The following TAPT1 variants were observed in gnomAD, a reference collection of about 807,000 sequenced individuals.
TAPT1 encodes the protein transmembrane anterior posterior transformation protein 1 homolog.
In TAPT1, 28 loss-of-function variants were observed where a neutral mutation model predicts 65.6. The ratio of observed to expected loss-of-function variants is 0.43; its 90% CI spans 0.32 to 0.59. The LOEUF (loss-of-function observed/expected upper bound fraction) is 0.59, where lower values mean the gene tolerates loss of function less well. Among genes scored for constraint, TAPT1 ranks in the 20% least tolerant of loss-of-function variants. The pLI, the probability that TAPT1 is intolerant of heterozygous loss-of-function variation, is 0.09. For missense variants in TAPT1, 563 were observed against 679.9 expected, an observed-to-expected ratio of 0.83 and a Z score of 1.91; for synonymous variants, 278 against 245.2, an observed-to-expected ratio of 1.13 and a Z score of -1.25.
chr4:16,190,720 C>T (rs879723334), intron 4 of TAPT1: 11 of 154,678 alleles, frequency 7.1e-5, no homozygotes, highest in South Asian at 2.0e-4. Flanking sequence ...GCTTATAAAG[C>T]GAAGCATTTT....
Position 16,166,641 on chromosome 4 carries a change from G to A in TAPT1, c.1466C>T (p.Pro489Leu), listed in dbSNP as rs766833715. The A allele has an allele frequency of 6.2e-7, 1 of 1,613,764 alleles. No homozygotes were observed. Among genetic ancestry groups the A allele is most frequent in the African/African-American group, 1.3e-5 (1 of 74,918 alleles). ...PSSKSQNKCK[P>L]SQGLSTEENL... is the part of the protein sequence containing the mutation. ...AAAGGGACCAAACCTACCTTGAGAG[G>A]GTTTACATTTGTTCTGTGATTTACT... The change falls in exon 13 of 14, where the codon CCC (proline) becomes CTC (leucine). Residue 489 changes from proline to leucine, a missense_variant. Pro to Leu is a moderately conservative substitution (Grantham distance 98). Around this residue, in one of 5 missense-constraint regions of TAPT1, gnomAD observed 136 missense variants for 153.9 expected, o/e 0.88. Coordinates refer to ENST00000405303, the MANE Select transcript of TAPT1 (RefSeq NM_153365.3).
intron 2 of TAPT1, among the ~76,000 whole-genome samples, chr4:16,203,986 C>T (rs1224603968): frequency 6.6e-6 from 1 of 152,104 alleles, no homozygotes; most frequent in Non-Finnish European, 1.5e-5. Context: ...CATAGAGTCA[C>T]GTGTGGTAGA....
At chr4:16,202,088 C>G (rs954678709) in intron 3 of TAPT1, among the ~76,000 whole-genome samples, 8 of 152,108 alleles carry the variant, frequency 5.3e-5, no homozygotes, top group Non-Finnish European at 1.0e-4. Context: ...CCTGTCCTTT[C>G]CACAGATGAT....
rs1747345531 is a variant in TAPT1 at position 16,162,883 on chromosome 4, GAA to G, written c.*423_*424del. ...GAAGTAACGTTTGAAAACTGTTTGT[GAA>G]AATAGTATGAGACTGGAAAGATTAC... On this transcript the variant is annotated 3_prime_UTR_variant, in exon 14 of 14. Transcript: ENST00000405303. The G allele has an allele frequency of 6.3e-5, 24 of 378,554 alleles. No individual in the cohort carries two copies. The highest frequency in any genetic ancestry group is 4.5e-4 in the South Asian group (24 of 53,602). The allele number at this position is 378,554 out of a possible 1,614,324, so 23.4% of individuals were successfully genotyped here. A position where few individuals can be genotyped will look rare whatever the true frequency, so the allele number is the denominator to read the frequency against.
intron 1 of TAPT1, among the ~76,000 whole-genome samples, chr4:16,220,113 G>C (rs973546414): frequency 6.6e-6 from 1 of 152,156 alleles, no homozygotes; most frequent in East Asian, 1.9e-4. Flanking sequence ...TGTTTCGCTT[G>C]TTTTTATTTT....
chr4:16,162,923 G>T lies in TAPT1; in HGVS notation c.*385C>A. On this transcript the variant is annotated 3_prime_UTR_variant, in exon 14 of 14. Coordinates refer to ENST00000405303, the MANE Select transcript of TAPT1 (RefSeq NM_153365.3). ...CTGGAAAGATTACGTCGTGGTAAAA[G>T]TTTCACAGTTTTCCAGGTATTTCCT... 1 of 437,424 alleles carries T rather than the reference G, an allele frequency of 2.3e-6. No homozygotes were observed. Among genetic ancestry groups the T allele is most frequent in the Non-Finnish European group, 4.7e-6 (1 of 212,304 alleles). 27.1% of individuals were successfully genotyped at this position (437,424 alleles called of 1,614,324 possible).
At chr4:16,185,122 T>C (rs181948126) in intron 7 of TAPT1, among the ~76,000 whole-genome samples, 17 of 152,186 alleles carry the variant, frequency 1.1e-4, no homozygotes, top group African/African-American at 4.1e-4. Context: ...TGAACCACTA[T>C]GAATTAATTT....
chr4:16,192,452 A>G (rs1478444614), intron 3 of TAPT1, among the ~76,000 whole-genome samples: 1 of 152,228 alleles, frequency 6.6e-6, no homozygotes, highest in East Asian at 1.9e-4. Flanking sequence ...TGTATTACAA[A>G]TGTTAGACCT....
intron 9 of TAPT1, among the ~76,000 whole-genome samples, chr4:16,175,798 G>C (rs1748285653): frequency 6.6e-6 from 1 of 152,032 alleles, no homozygotes; most frequent in African/African-American, 2.4e-5. Flanking sequence ...GAAAAATTTT[G>C]ATGGTCTAAG....
At chr4:16,199,319 T>C (rs576882371) in intron 3 of TAPT1, among the ~76,000 whole-genome samples, 1 of 152,336 alleles carries the variant, frequency 6.6e-6, no homozygotes, top group East Asian at 1.9e-4. Flanking sequence ...TTAAATGTCA[T>C]GTGTAACAGG....
At chr4:16,214,659 C>T (rs146468620) in intron 1 of TAPT1, 1 of 152,328 alleles carries the variant, frequency 6.6e-6, no homozygotes, top group East Asian at 1.9e-4. Flanking sequence ...TCTGGATGCT[C>T]GACCCCACCT....
intron 3 of TAPT1, 64 bp from the exon 4 acceptor site, chr4:16,191,587 A>C: frequency 6.9e-7 from 1 of 1,448,482 alleles, no homozygotes; most frequent in Non-Finnish European, 9.3e-7. Flanking sequence ...AAAAACAATA[A>C]TCTTTACTCG....
intron 1 of TAPT1, among the ~76,000 whole-genome samples, chr4:16,219,483 G>A (rs758558227): frequency 2.0e-5 from 3 of 152,162 alleles, no homozygotes; most frequent in Non-Finnish European, 2.9e-5. Flanking sequence ...TGAATGTAAG[G>A]GTAAACTTTG....
In TAPT1 at chr4:16,174,990, T is replaced by C. The variant is rs74719496; in HGVS notation, c.1108-261A>G. 0.015 allele frequency: 3,986 copies of C among 273,952 alleles called. 42 individuals carry two copies. Among genetic ancestry groups the C allele is most frequent in the Non-Finnish European group, 0.021 (3,072 of 148,700 alleles). 17.0% of individuals were successfully genotyped at this position (273,952 alleles called of 1,614,324 possible). A position where few individuals can be genotyped will look rare whatever the true frequency, so the allele number is the denominator to read the frequency against. ...AATAAATATCCAACGACTATGATCC[T>C]GAGAGTTTAGAATTTGGGGAAAAGT... On this transcript the variant is annotated intron_variant, in intron 9 of 13. Coordinates refer to ENST00000405303, the MANE Select transcript of TAPT1 (RefSeq NM_153365.3).
intron 1 of TAPT1, among the ~76,000 whole-genome samples, chr4:16,217,922 A>T (rs1465784877): frequency 1.3e-5 from 2 of 152,168 alleles, no homozygotes. Flanking sequence ...CCCTGAGGGA[A>T]CAGGGTACCA....
intron 2 of TAPT1, among the ~76,000 whole-genome samples, chr4:16,206,178 C>A (rs1750332196): frequency 6.6e-6 from 1 of 152,134 alleles, no homozygotes; most frequent in African/African-American, 2.4e-5. Flanking sequence ...TAGGAGATGG[C>A]CAACAAAGGG....
intron 12 of TAPT1, 170 bp from the exon 13 acceptor site, chr4:16,166,963 A>G: frequency 2.0e-6 from 1 of 504,854 alleles, no homozygotes; most frequent in Non-Finnish European, 3.4e-6. Flanking sequence ...CCTTGTCACA[A>G]AGAAAAACTT....
chr4:16,201,065 T>C (rs1749998011), intron 3 of TAPT1, among the ~76,000 whole-genome samples: 1 of 152,204 alleles, frequency 6.6e-6, no homozygotes, highest in Non-Finnish European at 1.5e-5. Flanking sequence ...CATATAACAA[T>C]GACAGGAGCT....
intron 13 of TAPT1, 30 bp from the exon 14 acceptor site, chr4:16,163,567 G>T: frequency 2.0e-6 from 3 of 1,528,618 alleles, no homozygotes; most frequent in South Asian, 2.3e-5. Context: ...TTAAATTAGA[G>T]AAAGACTTTT....
Sources: allele counts gnomAD v4.1 joint callset (sites outside exome capture counted in the v4.1 genomes callset), GRCh38; gene constraint gnomAD v4.1.1; regional missense constraint gnomAD v4.1.1; transcripts MANE v1.5; gene names NCBI Gene and HGNC (gene_info 2026-07-23, HGNC 2026-07-21).